The following SLC10A6 variants were observed in gnomAD, a reference collection of about 807,000 sequenced individuals.
SLC10A6 encodes sodium-dependent organic anion transporter.
SLC10A6 carries 27 observed loss-of-function variants against 30.0 expected under a neutral mutation model. The ratio of observed to expected loss-of-function variants is 0.90; its 90% CI spans 0.66 to 1.24. The LOEUF (loss-of-function observed/expected upper bound fraction) is 1.24, where lower values mean the gene tolerates loss of function less well. Among genes scored for constraint, SLC10A6 ranks in the 50% most tolerant of loss-of-function variants. The pLI is 0.00. For synonymous variants in SLC10A6, 166 were observed against 173.8 expected (o/e 0.95, Z 0.36); for missense variants, 439 against 457.0 (o/e 0.96, Z 0.36).
At chr4:86,834,871 C>T (rs548021739) in intron 1 of SLC10A6, among the ~76,000 whole-genome samples, 6 of 152,260 alleles carry the variant, frequency 3.9e-5, no homozygotes, top group East Asian at 3.9e-4. Context: ...AGGTATCTCA[C>T]ATGGCCAGAG....
rs1487758211 is a variant in SLC10A6 at position 86,837,706 on chromosome 4, G to A, written c.378-4282C>T. 3.7e-6 allele frequency: 3 copies of A among 806,012 alleles called. No individual in the cohort carries two copies. The African/African-American group carries it at 5.6e-5, about 15-fold the overall frequency. 49.9% of individuals were successfully genotyped at this position (806,012 alleles called of 1,614,324 possible). On this transcript the variant is annotated intron_variant, in intron 1 of 5. Transcript: ENST00000273905. ...GAAAGAATGCATTAGTAAAATTAGGGGAAAGAAAATAAATGGAAAGAAGAT... is the reference window on the plus strand; with the variant it reads ...GAAAGAATGCATTAGTAAAATTAGGAGAAAGAAAATAAATGGAAAGAAGAT...
At chr4:86,848,687 C>T (rs1746432335) in intron 1 of SLC10A6, 52 bp downstream of exon 1, 1 of 1,509,722 alleles carries the variant, frequency 6.6e-7, no homozygotes, top group African/African-American at 1.4e-5. Flanking sequence ...TTCAGTTATT[C>T]CCCCTAGGCA....
Position 86,837,289 on chromosome 4 carries a change from G to GAGAA in SLC10A6, c.378-3866_378-3865insTTCT, listed in dbSNP as rs1560460376. On this transcript the variant is annotated intron_variant, in intron 1 of 5. Transcript: ENST00000273905. The stretch of plus-strand genomic sequence containing the variant: ...AAAGAAAGAAAGAAAGAAAGAAAAA[G>GAGAA]AAAGGAAGGAAGGAAGGAAGGAAGG... Among the ~76,000 whole-genome samples, 41 of 86,080 alleles carry GAGAA rather than the reference G, an allele frequency of 4.8e-4. 2 individuals are homozygous for GAGAA. The highest frequency in any genetic ancestry group is 2.0e-3 in the African/African-American group (40 of 19,740). 56.5% of individuals were successfully genotyped at this position (86,080 alleles called of 152,430 possible).
At chr4:86,842,709 A>AG (rs1375127921) in intron 1 of SLC10A6, among the ~76,000 whole-genome samples, 2 of 87,464 alleles carry the variant, frequency 2.3e-5, no homozygotes, top group African/African-American at 9.1e-5. Context: ...AAAAAAAAAA[A>AG]AAGAAAAGAA....
chr4:86,839,217 C>G (rs1268458739), intron 1 of SLC10A6, among the ~76,000 whole-genome samples: 1 of 145,514 alleles, frequency 6.9e-6, no homozygotes, highest in Non-Finnish European at 1.5e-5. Flanking sequence ...GGGAGGATTG[C>G]TTAAGACCAG....
At chr4:86,845,276 G>C (rs1746374664) in intron 1 of SLC10A6, among the ~76,000 whole-genome samples, 3 of 152,156 alleles carry the variant, frequency 2.0e-5, no homozygotes, top group Non-Finnish European at 4.4e-5. Context: ...TGCAGACTGT[G>C]GGAACAACAT....
At chr4:86,848,437 T>C (rs921602159) in intron 1 of SLC10A6, among the ~76,000 whole-genome samples, 1 of 152,136 alleles carries the variant, frequency 6.6e-6, no homozygotes, top group Non-Finnish European at 1.5e-5. Flanking sequence ...GAGGCCAGTG[T>C]AGGTAAGAAT....
intron 4 of SLC10A6, 30 bp from the exon 5 acceptor site, chr4:86,825,607 C>T (rs750568356): frequency 2.3e-5 from 36 of 1,558,168 alleles, no homozygotes; most frequent in Admixed American, 5.1e-5. Flanking sequence ...TCAAGAGTAA[C>T]GCACTAGCAA....
At chr4:86,838,051 A>C (rs1746229997) in intron 1 of SLC10A6, among the ~76,000 whole-genome samples, 1 of 152,220 alleles carries the variant, frequency 6.6e-6, no homozygotes, top group Non-Finnish European at 1.5e-5. Context: ...TACGTCTATG[A>C]CTACTTTAAC....
intron 2 of SLC10A6, among the ~76,000 whole-genome samples, 172 bp downstream of exon 2, chr4:86,833,134 G>A (rs561459302): frequency 1.3e-5 from 2 of 152,218 alleles, no homozygotes; most frequent in African/African-American, 2.4e-5. Flanking sequence ...CTTGAAGCCT[G>A]AAGACCTAGG....
Position 86,848,914 on chromosome 4 carries a change from T to TGCCCCAGGGTCTCCTGATGTGCG in SLC10A6, c.179_201dup (p.Ile68ArgfsTer33). ...AACTGGCAGAGCAGTCCCACAGCAA[T>TGCCCCAGGGTCTCCTGATGTGCG]GCCCCAGGGTCTCCTGATGTGCGAC... is the stretch of plus-strand genomic sequence containing the variant. On this transcript the variant is annotated frameshift_variant, in exon 1 of 6. Transcript: ENST00000273905. LOFTEE classifies it high-confidence loss of function. 2 of 1,614,156 alleles carry TGCCCCAGGGTCTCCTGATGTGCG rather than the reference T, an allele frequency of 1.2e-6. No homozygotes were observed. Among genetic ancestry groups the TGCCCCAGGGTCTCCTGATGTGCG allele is most frequent in the Non-Finnish European group, 1.7e-6 (2 of 1,180,030 alleles).
intron 1 of SLC10A6, among the ~76,000 whole-genome samples, chr4:86,837,003 C>T (rs1225073077): frequency 4.6e-5 from 7 of 151,880 alleles, no homozygotes; most frequent in Admixed American, 1.3e-4. Flanking sequence ...GTGATCCACC[C>T]GCCTCGGCCT....
intron 4 of SLC10A6, 132 bp downstream of exon 4, chr4:86,827,861 C>T (rs967498739): frequency 5.7e-6 from 4 of 697,060 alleles, no homozygotes; most frequent in Non-Finnish European, 6.5e-6. Context: ...CTCTTTTATG[C>T]TTAGTTATCC....
In SLC10A6 at chr4:86,837,251, G is replaced by A. The variant is rs867560965; in HGVS notation, c.378-3827C>T. ...AGAAAGAAAGAAAGAAAGAAAGAAA[G>A]AAAGAAAGAAAGAAAGAAAGAAAGA... On this transcript the variant is annotated intron_variant, in intron 1 of 5. Transcript: ENST00000273905. Among the ~76,000 whole-genome samples the A allele has an allele frequency of 2.1e-4, 24 of 115,012 alleles. No individual in the cohort carries two copies. The South Asian group carries it at 6.8e-3, about 33-fold the overall frequency. The allele number at this position is 115,012 out of a possible 152,430, so 75.5% of individuals were successfully genotyped here.
rs1299339644 is a variant in SLC10A6, at chr4:86,825,484, C to T, written c.855G>A (p.Gln285=). ...CATAGGCCAGTGGGAAACTCAACAT[C>T]TGGACCAAGTGCTCAGCAGTGAAAG... ...QLSFTAEHLV[Q]MLSFPLAYGL... The change falls in exon 5 of 6, where the codon CAG becomes CAA. Residue 285 remains glutamine (Q), a synonymous_variant. Transcript: ENST00000273905. 2 of 1,613,156 alleles carry T rather than the reference C, an allele frequency of 1.2e-6. No homozygotes were observed. The highest frequency in any genetic ancestry group is 1.7e-6 in the Non-Finnish European group (2 of 1,179,240).
At chr4:86,831,035 T>A (rs12498606) in intron 3 of SLC10A6, among the ~76,000 whole-genome samples, 6 of 152,066 alleles carry the variant, frequency 3.9e-5, no homozygotes, top group African/African-American at 1.5e-4. Flanking sequence ...TGCAATGGCA[T>A]GATAATGGCT....
intron 1 of SLC10A6, among the ~76,000 whole-genome samples, chr4:86,844,292 C>T (rs1194352831): frequency 2.0e-5 from 3 of 152,162 alleles, no homozygotes; most frequent in African/African-American, 7.2e-5. Context: ...TTGCTGTTTC[C>T]AGAGCCCTTA....
At chr4:86,830,887 A>G (rs1207164309) in intron 3 of SLC10A6, among the ~76,000 whole-genome samples, 5 of 152,232 alleles carry the variant, frequency 3.3e-5, no homozygotes, top group South Asian at 4.1e-4. Flanking sequence ...TCTATCTGCT[A>G]AAGTGATACA....
intron 2 of SLC10A6, among the ~76,000 whole-genome samples, chr4:86,832,463 C>G (rs949252149): frequency 7.2e-5 from 11 of 151,826 alleles, no homozygotes; most frequent in Admixed American, 6.6e-5. Flanking sequence ...AAAAATTAGC[C>G]GGGTGTGGTG....
Sources: gnomAD v4.1 joint callset for allele counts (sites outside exome capture counted in the v4.1 genomes callset) on GRCh38, gnomAD v4.1.1 for gene constraint, MANE v1.5 for transcripts, NCBI Gene and HGNC (gene_info 2026-07-23, HGNC 2026-07-21) for gene names.